The following FKBP1A variants were observed in gnomAD, a reference collection of about 807,000 sequenced individuals.
The protein encoded by FKBP1A is peptidyl-prolyl cis-trans isomerase FKBP1A.
FKBP1A carries 5 observed loss-of-function variants against 14.2 expected under a neutral mutation model. The observed-to-expected ratio is 0.35, with a 90% CI of 0.18 to 0.74. The LOEUF (loss-of-function observed/expected upper bound fraction) is 0.74. Ranked by LOEUF, FKBP1A falls within the 30% of genes least tolerant of loss-of-function variation. FKBP1A has a pLI of 0.56. For synonymous variants in FKBP1A, 42 were observed against 49.1 expected, an observed-to-expected ratio of 0.86 and a Z score of 0.60; for missense variants, 53 against 138.8, an observed-to-expected ratio of 0.38 and a Z score of 3.10.
At chr20:1,387,890 T>A (rs1396466691) in intron 2 of FKBP1A, among the ~76,000 whole-genome samples, 2 of 152,194 alleles carry the variant, frequency 1.3e-5, no homozygotes, top group African/African-American at 4.8e-5. Context: ...CTTTACCTTA[T>A]CTTATAGAAG....
intron 2 of FKBP1A, chr20:1,391,742 G>A (rs3795136): frequency 0.29 from 102,183 of 358,352 alleles, 15,041 homozygotes; most frequent in East Asian, 0.55. Context: ...GGAGGAGGAA[G>A]AGGAGGAGAG....
intron 2 of FKBP1A, among the ~76,000 whole-genome samples, chr20:1,390,628 A>C (rs1336651731): frequency 6.6e-6 from 1 of 152,138 alleles, no homozygotes; most frequent in Non-Finnish European, 1.5e-5. Flanking sequence ...CCCAAGATGG[A>C]TTCTGTTCCC....
In FKBP1A at chr20:1,392,880, C is replaced by A; in HGVS notation, c.39G>T (p.Gly13=). The change falls in exon 2 of 5, where the codon GGG becomes GGT. Residue 13 remains glycine (G), a splice_region_variant and synonymous_variant. Coordinates refer to ENST00000400137, the MANE Select transcript of FKBP1A (RefSeq NM_000801.5). Reference sequence around the variant, plus strand: ...TCTGGCCGCGCTTGGGGAAGGTGCGCCCTGAGGAGACAGAGACGGGCATGC... The same window carrying A: ...TCTGGCCGCGCTTGGGGAAGGTGCGACCTGAGGAGACAGAGACGGGCATGC... ...VQVETISPGD[G]RTFPKRGQTC... is the part of the protein sequence containing the mutation. 6.5e-7 allele frequency: 1 copy of A among 1,538,220 alleles called. No individual in the cohort carries two copies. The highest frequency in any genetic ancestry group is 8.8e-7 in the Non-Finnish European group (1 of 1,142,038).
At chr20:1,371,526 G>T (rs1313885525) in intron 4 of FKBP1A, among the ~76,000 whole-genome samples, 1 of 152,182 alleles carries the variant, frequency 6.6e-6, no homozygotes, top group Non-Finnish European at 1.5e-5. Flanking sequence ...CTGGCCTGGG[G>T]GCCTCAAGTG....
At chr20:1,372,282 C>T in intron 3 of FKBP1A, 42 bp from the exon 4 acceptor site, 3 of 1,599,454 alleles carry the variant, frequency 1.9e-6, no homozygotes, top group Non-Finnish European at 2.6e-6. Context: ...TGGACACATG[C>T]CCCAACTGTC....
intron 2 of FKBP1A, among the ~76,000 whole-genome samples, chr20:1,384,448 A>C (rs1402251456): frequency 2.0e-5 from 3 of 152,186 alleles, no homozygotes; most frequent in African/African-American, 7.2e-5. Context: ...AAAAAGGTCA[A>C]ATTGGTTTTT....
intron 2 of FKBP1A, among the ~76,000 whole-genome samples, chr20:1,388,388 T>C (rs1335523227): frequency 6.6e-6 from 1 of 152,230 alleles, no homozygotes; most frequent in Admixed American, 6.5e-5. Context: ...ACAACTGCGA[T>C]GAGTGAGGCT....
At chr20:1,371,437 G>C (rs1430196189) in intron 4 of FKBP1A, among the ~76,000 whole-genome samples, 1 of 152,104 alleles carries the variant, frequency 6.6e-6, no homozygotes, top group African/African-American at 2.4e-5. Context: ...TCCCTTCCTA[G>C]AACTGTCTGA....
chr20:1,385,927 C>T (rs780700551), intron 2 of FKBP1A, among the ~76,000 whole-genome samples: 11 of 152,210 alleles, frequency 7.2e-5, no homozygotes, highest in Non-Finnish European at 1.3e-4. Flanking sequence ...CTATCTAAAA[C>T]CTCAACCTTT....
At chr20:1,391,552 C>A (rs1568594298) in intron 2 of FKBP1A, 3 of 397,224 alleles carry the variant, frequency 7.6e-6, no homozygotes, top group East Asian at 7.1e-5. Context: ...TTTCTACCCA[C>A]GGGGAAGGGC....
intron 2 of FKBP1A, among the ~76,000 whole-genome samples, chr20:1,389,198 C>T (rs1268880633): frequency 6.6e-6 from 1 of 152,190 alleles, no homozygotes; most frequent in Admixed American, 6.5e-5. Context: ...AAAGCCCCAC[C>T]AGATCAGGTC....
intron 2 of FKBP1A, among the ~76,000 whole-genome samples, chr20:1,380,475 G>C (rs533689850): frequency 6.6e-6 from 1 of 152,034 alleles, no homozygotes; most frequent in Non-Finnish European, 1.5e-5. Context: ...ACTACCCCCC[G>C]GTCAAACTGG....
chr20:1,392,654 G>A (rs1291771852), intron 2 of FKBP1A, among the ~76,000 whole-genome samples, 180 bp downstream of exon 2: 21 of 152,014 alleles, frequency 1.4e-4, no homozygotes, highest in Admixed American at 1.4e-3. Flanking sequence ...AGACCCGCCC[G>A]GGTTCCGCAA....
At chr20:1,370,390 G>C in intron 4 of FKBP1A, 1 of 984,800 alleles carries the variant, frequency 1.0e-6, no homozygotes, top group Non-Finnish European at 1.2e-6. Context: ...CTCAAACTGT[G>C]CTACATATAG....
chr20:1,389,625 C>G (rs561591451), intron 2 of FKBP1A, among the ~76,000 whole-genome samples: 1 of 152,234 alleles, frequency 6.6e-6, no homozygotes, highest in African/African-American at 2.4e-5. Flanking sequence ...CTATACCTGA[C>G]TTAAACCTGA....
rs760096309 is a variant in FKBP1A, at chr20:1,375,568, G to C, written c.121C>G (p.Arg41Gly). 1 of 1,613,904 alleles carries C rather than the reference G, an allele frequency of 6.2e-7. No individual in the cohort carries two copies. Among genetic ancestry groups the C allele is most frequent in the Admixed American group, 1.7e-5 (1 of 60,012 alleles). ...AACTTAAAGGGCTTGTTTCTGTCCC[G>C]GGAGGAATCAAATTTCTTTCCATCT... ...LEDGKKFDSSRDRNKPFKFML... is the reference protein window; with the variant it reads ...LEDGKKFDSSGDRNKPFKFML... Residue 41 changes from arginine (R) to glycine (G), a missense_variant, in exon 3 of 5, where the codon CGG (arginine) becomes GGG (glycine). By Grantham distance (125) the Arg-to-Gly change is moderately radical. Around this residue, in one of 2 missense-constraint regions of FKBP1A, gnomAD observed 35 missense variants for 118.1 expected, o/e 0.30. Coordinates refer to ENST00000400137, the MANE Select transcript of FKBP1A (RefSeq NM_000801.5).
chr20:1,373,669 A>G (rs2089498927), intron 3 of FKBP1A, among the ~76,000 whole-genome samples: 1 of 152,204 alleles, frequency 6.6e-6, no homozygotes, highest in South Asian at 2.1e-4. Flanking sequence ...TGCCTCTCCA[A>G]GCCTGGGAAG....
chr20:1,391,669 G>A (rs2089738489), intron 2 of FKBP1A: 1 of 398,690 alleles, frequency 2.5e-6, no homozygotes, highest in Admixed American at 4.4e-5. Flanking sequence ...CCATGATTTG[G>A]AAGAGAAAGG....
In FKBP1A at chr20:1,370,971, A is replaced by G. The variant is rs541866079; in HGVS notation, c.*37-899T>C. ...TATCAAACTTAACCAGGCCTGTATT[A>G]CCAAGGTGTGTGTGGTTCAAACAGA... On this transcript the variant is annotated intron_variant, in intron 4 of 4. Coordinates refer to ENST00000400137, the MANE Select transcript of FKBP1A (RefSeq NM_000801.5). 4.1e-6 allele frequency: 4 copies of G among 985,460 alleles called. No homozygotes were observed. The African/African-American group carries it at 7.0e-5, about 17-fold the overall frequency. 61.0% of individuals were successfully genotyped at this position (985,460 alleles called of 1,614,324 possible).
Sources: allele counts gnomAD v4.1 joint callset (sites outside exome capture counted in the v4.1 genomes callset), GRCh38; gene constraint gnomAD v4.1.1; regional missense constraint gnomAD v4.1.1; transcripts MANE v1.5; gene names NCBI Gene and HGNC (gene_info 2026-07-23, HGNC 2026-07-21).